CCDC57: variants seen among roughly 807,000 people sequenced by gnomAD.
CCDC57 encodes coiled-coil domain-containing protein 57.
CCDC57 carries 118 observed loss-of-function variants against 118.9 expected under a neutral mutation model. That is an observed-to-expected ratio of 0.99 (90% CI 0.86 to 1.16). The LOEUF is 1.16. CCDC57 is among the 50% of genes most tolerant of loss of function. The probability of loss-of-function intolerance (pLI) is 0.00; values close to 1 mark genes in which losing one functional copy is unlikely to be tolerated. For synonymous variants in CCDC57, 527 were observed against 532.9 expected (o/e 0.99, Z 0.15); for missense variants, 1,300 against 1,320.7 (o/e 0.98, Z 0.24).
chr17:82,167,025 G>A (rs1489855928), intron 13 of CCDC57, among the ~76,000 whole-genome samples: 1 of 152,024 alleles, frequency 6.6e-6, no homozygotes, highest in South Asian at 2.1e-4. Context: ...ACAGCAAAAT[G>A]GAAATGACAA....
At chr17:82,151,145 CCG>C (rs2041968813) in intron 16 of CCDC57, among the ~76,000 whole-genome samples, 1 of 116,424 alleles carries the variant, frequency 8.6e-6, no homozygotes, top group Non-Finnish European at 1.8e-5. Context: ...AGAACCTGAC[CCG>C]CACCTAGAAC....
intron 8 of CCDC57, among the ~76,000 whole-genome samples, chr17:82,185,744 G>A (rs1386935175): frequency 3.9e-5 from 6 of 152,046 alleles, no homozygotes; most frequent in South Asian, 4.2e-4. Context: ...GGCCAGGCAC[G>A]GTGGCTCATG....
intron 19 of CCDC57, among the ~76,000 whole-genome samples, chr17:82,103,946 G>A (rs566391336): frequency 1.2e-4 from 18 of 152,240 alleles, no homozygotes; most frequent in East Asian, 5.8e-4. Flanking sequence ...CTTTTCCTGC[G>A]GAGCCCTCCT....
intron 17 of CCDC57, among the ~76,000 whole-genome samples, chr17:82,131,757 T>C (rs1230424760): frequency 6.7e-6 from 1 of 149,242 alleles, no homozygotes; most frequent in Non-Finnish European, 1.5e-5. Context: ...GTCTCAAATA[T>C]AAATAAATAC....
intron 19 of CCDC57, among the ~76,000 whole-genome samples, chr17:82,110,229 C>T (rs2144915574): frequency 6.6e-6 from 1 of 152,278 alleles, no homozygotes; most frequent in South Asian, 2.1e-4. Flanking sequence ...GATCCACCCT[C>T]CTCGGCCTCC....
rs71166198 is a variant in CCDC57, at chr17:82,184,031, GCACACACACACACACACACACACA to G, written c.1053-123_1053-100del. The G allele has an allele frequency of 1.4e-4, 18 of 131,860 alleles. 1 individual carries two copies. The highest frequency in any genetic ancestry group is 2.2e-4 in the South Asian group (2 of 9,016). 8.2% of individuals were successfully genotyped at this position (131,860 alleles called of 1,614,324 possible). On this transcript the variant is annotated intron_variant, in intron 8 of 19. Transcript: ENST00000665763. The stretch of plus-strand genomic sequence containing the variant: ...CAAATACACATGCGCGCGCGCGCGC[GCACACACACACACACACACACACA>G]CACACACACACACACACACACACAC...
At chr17:82,171,323 G>A (rs1333624602) in intron 13 of CCDC57, among the ~76,000 whole-genome samples, 2 of 144,936 alleles carry the variant, frequency 1.4e-5, no homozygotes, top group Non-Finnish European at 3.0e-5. Flanking sequence ...TCTGGAGGTA[G>A]CTCCAGGAAT....
intron 1 of CCDC57, among the ~76,000 whole-genome samples, chr17:82,210,597 T>C (rs2050103895): frequency 6.6e-6 from 1 of 150,694 alleles, no homozygotes; most frequent in Non-Finnish European, 1.5e-5. Flanking sequence ...GGACAATCAC[T>C]TGAACCCGGG....
chr17:82,135,114 T>A (rs546996518), intron 16 of CCDC57: 1 of 152,322 alleles, frequency 6.6e-6, no homozygotes, highest in Non-Finnish European at 1.5e-5. Flanking sequence ...GACATTTTTT[T>A]TTTTGAGATG....
chr17:82,136,918 T>C (rs1007021218), intron 16 of CCDC57, among the ~76,000 whole-genome samples: 2 of 152,046 alleles, frequency 1.3e-5, no homozygotes, highest in African/African-American at 4.8e-5. Flanking sequence ...CCTTACTTGG[T>C]TGAAAGAAAG....
chr17:82,148,343 G>GAATA (rs2041206104), intron 16 of CCDC57, among the ~76,000 whole-genome samples: 2 of 26,488 alleles, frequency 7.6e-5, no homozygotes, highest in Non-Finnish European at 6.7e-5. Context: ...ATGGATGGAT[G>GAATA]GATAGGTGGG....
intron 17 of CCDC57, 82 bp from the exon 17 acceptor site, chr17:82,128,679 G>A (rs540507242): frequency 1.8e-6 from 2 of 1,115,156 alleles, no homozygotes; most frequent in South Asian, 2.8e-5. Context: ...CACAAGATTG[G>A]GAAGAAATGC....
intron 16 of CCDC57, among the ~76,000 whole-genome samples, chr17:82,138,147 CT>C (rs569568425): frequency 0.015 from 1,748 of 118,242 alleles, 18 homozygotes; most frequent in African/African-American, 0.053. Flanking sequence ...AGGAGGATCT[CT>C]TTTTTTTTTT....
chr17:82,128,023 G>T, intron 18 of CCDC57, 115 bp from the exon 18 acceptor site: 3 of 1,453,946 alleles, frequency 2.1e-6, no homozygotes, highest in Non-Finnish European at 2.7e-6. Flanking sequence ...TGGCTTAAAG[G>T]CCCAGGCAGA....
intron 15 of CCDC57, chr17:82,152,008 G>GC (rs1291614968): frequency 1.9e-6 from 1 of 534,932 alleles, no homozygotes; most frequent in Non-Finnish European, 3.3e-6. Context: ...GGCCAGGGTG[G>GC]CCCCCAGATC....
At chr17:82,173,044 A>C (rs770481525) in intron 11 of CCDC57, among the ~76,000 whole-genome samples, 184 bp from the exon 11 acceptor site, 2 of 151,512 alleles carry the variant, frequency 1.3e-5, no homozygotes, top group Non-Finnish European at 2.9e-5. Context: ...CAAATATGAC[A>C]CTCAAATTCC....
At chr17:82,159,871 A>G (rs1301878755) in intron 14 of CCDC57, among the ~76,000 whole-genome samples, 1 of 151,830 alleles carries the variant, frequency 6.6e-6, no homozygotes, top group Non-Finnish European at 1.5e-5. Flanking sequence ...AGAGTTCATC[A>G]TGTTGGCCAA....
At chr17:82,188,931 G>A (rs1568423192) in intron 7 of CCDC57, among the ~76,000 whole-genome samples, 2 of 152,156 alleles carry the variant, frequency 1.3e-5, no homozygotes, top group Non-Finnish European at 2.9e-5. Context: ...TGGGCTTATA[G>A]GCCACACCAC....
At chr17:82,121,670 G>A (rs1346945177) in intron 19 of CCDC57, among the ~76,000 whole-genome samples, 2 of 152,238 alleles carry the variant, frequency 1.3e-5, no homozygotes, top group African/African-American at 4.8e-5. Context: ...GCCACCTGAG[G>A]CCCGTTGACC....
Sources: allele counts gnomAD v4.1 joint callset (sites outside exome capture counted in the v4.1 genomes callset), GRCh38; gene constraint gnomAD v4.1.1; transcripts MANE v1.5; gene names NCBI Gene and HGNC (gene_info 2026-07-23, HGNC 2026-07-21).